The following PID1 variants were observed in gnomAD, a reference collection of about 807,000 sequenced individuals.
The protein encoded by PID1 is phosphotyrosine interaction domain containing 1.
A neutral mutation model predicts 19.1 loss-of-function variants in PID1; 10 were observed. That is an observed-to-expected ratio of 0.52 (90% confidence interval 0.32 to 0.89). PID1 has a LOEUF of 0.89. Ranked by LOEUF, PID1 falls within the 40% of genes least tolerant of loss-of-function variation. The pLI, the probability that PID1 is intolerant of heterozygous loss-of-function variation, is 0.03. For missense variants in PID1, 248 were observed against 285.3 expected (o/e 0.87, Z 0.94); for synonymous variants, 130 against 116.0 (o/e 1.12, Z -0.78).
chr2:229,237,129 G>C (rs1488235974), intron 1 of PID1, among the ~76,000 whole-genome samples: 1 of 152,058 alleles, frequency 6.6e-6, no homozygotes, highest in Non-Finnish European at 1.5e-5. Flanking sequence ...GATAGATCAT[G>C]AGTAATCAAG....
chr2:229,248,348 G>A (rs895638197), intron 1 of PID1, among the ~76,000 whole-genome samples: 7 of 152,150 alleles, frequency 4.6e-5, no homozygotes, highest in East Asian at 1.9e-4. Context: ...AATATGATGC[G>A]AGTGAGCCTT....
rs540325196 is a variant in PID1, at chr2:229,119,442, T to C, written c.177+36376A>G. Among the ~76,000 whole-genome samples, 107 of 152,338 alleles carry C rather than the reference T, an allele frequency of 7.0e-4. 1 individual carries two copies. The highest frequency in any genetic ancestry group is 6.4e-3 in the South Asian group (31 of 4,828). On this transcript the variant is annotated intron_variant, in intron 2 of 2. Transcript: ENST00000392055. Reference sequence around the variant, plus strand: ...CTTAAAAGTTATTTCCTTAAAATAGTAGTCAGTGGGTGAAAATAATTCAAA... The same window carrying C: ...CTTAAAAGTTATTTCCTTAAAATAGCAGTCAGTGGGTGAAAATAATTCAAA...
chr2:229,224,583 G>C (rs1449768728), intron 1 of PID1, among the ~76,000 whole-genome samples: 3 of 151,940 alleles, frequency 2.0e-5, no homozygotes, highest in African/African-American at 7.3e-5. Flanking sequence ...TTATTTTTGA[G>C]TCATCTATTA....
At chr2:229,055,958 C>A (rs74871599) in intron 2 of PID1, among the ~76,000 whole-genome samples, 2 of 152,256 alleles carry the variant, frequency 1.3e-5, no homozygotes, top group African/African-American at 4.8e-5. Context: ...CAAGTGGACA[C>A]GGCTGACTGT....
intron 2 of PID1, among the ~76,000 whole-genome samples, chr2:229,118,890 G>T (rs1196577061): frequency 1.3e-5 from 2 of 152,142 alleles, no homozygotes; most frequent in African/African-American, 4.8e-5. Flanking sequence ...ACTACGAAAA[G>T]AAATCGATCT....
intron 1 of PID1, among the ~76,000 whole-genome samples, chr2:229,255,264 G>A (rs551251092): frequency 1.3e-5 from 2 of 152,246 alleles, no homozygotes; most frequent in East Asian, 1.9e-4. Flanking sequence ...TGTGTGAGTC[G>A]ATTCCAAGTA....
At position 229,025,641 on chromosome 2, in the gene PID1, A is replaced by T; in HGVS notation, c.645T>A (p.Asp215Glu). ...AGCGTCTCAAGTTCATTCAGCCATC[A>T]TCGGATTCCAATTCCTGGGAAACCT... is the stretch of plus-strand genomic sequence containing the variant. ...SEEVSQELES[D>E]DG The change falls in exon 3 of 3, where the codon GAT (aspartate) becomes GAA (glutamate). Residue 215 changes from aspartate (D) to glutamate (E), a missense_variant. Transcript: ENST00000392055. The T allele has an allele frequency of 6.2e-7, 1 of 1,608,744 alleles. No homozygotes were observed. Among genetic ancestry groups the T allele is most frequent in the African/African-American group, 1.3e-5 (1 of 74,954 alleles).
chr2:229,099,354 A>G (rs1365825055), intron 2 of PID1, among the ~76,000 whole-genome samples: 1 of 152,144 alleles, frequency 6.6e-6, no homozygotes, highest in Non-Finnish European at 1.5e-5. Context: ...TTCATCAACC[A>G]CTTTACATAG....
At chr2:229,057,666 G>A (rs1340529537) in intron 2 of PID1, among the ~76,000 whole-genome samples, 1 of 152,098 alleles carries the variant, frequency 6.6e-6, no homozygotes, top group African/African-American at 2.4e-5. Flanking sequence ...CAACATAGGA[G>A]AGCCTAATTA....
At chr2:229,136,047 CA>C (rs1689852395) in intron 2 of PID1, among the ~76,000 whole-genome samples, 2 of 152,024 alleles carry the variant, frequency 1.3e-5, no homozygotes, top group African/African-American at 2.4e-5. Context: ...GTTTAGGTTA[CA>C]AAAAAACTCT....
chr2:229,084,885 A>G (rs1202340447), intron 2 of PID1, among the ~76,000 whole-genome samples: 2 of 100,278 alleles, frequency 2.0e-5, no homozygotes, highest in Admixed American at 2.2e-4. Context: ...AGCAGTTAGG[A>G]TACGGCCTAA....
At chr2:229,185,094 ATATATATCC>A (rs1247437934) in intron 1 of PID1, among the ~76,000 whole-genome samples, 4 of 147,622 alleles carry the variant, frequency 2.7e-5, no homozygotes, top group South Asian at 4.2e-4. Flanking sequence ...TATATATCCT[ATATATATCC>A]TATATATATC....
intron 1 of PID1, among the ~76,000 whole-genome samples, chr2:229,208,538 A>C (rs1364149745): frequency 6.6e-6 from 1 of 152,224 alleles, no homozygotes; most frequent in Non-Finnish European, 1.5e-5. Flanking sequence ...TTTTATGCAG[A>C]GATCTAGGAG....
intron 1 of PID1, among the ~76,000 whole-genome samples, chr2:229,223,898 C>G (rs1692024221): frequency 6.6e-6 from 1 of 152,168 alleles, no homozygotes; most frequent in Non-Finnish European, 1.5e-5. Context: ...GGACATAGTA[C>G]CCAATCGGTA....
chr2:229,137,019 A>C (rs1239207104), intron 2 of PID1, among the ~76,000 whole-genome samples: 1 of 152,248 alleles, frequency 6.6e-6, no homozygotes, highest in Non-Finnish European at 1.5e-5. Flanking sequence ...TACTTTGCTC[A>C]TCATAATGCG....
intron 2 of PID1, among the ~76,000 whole-genome samples, chr2:229,128,079 C>T (rs1695660530): frequency 6.6e-6 from 1 of 152,088 alleles, no homozygotes; most frequent in Non-Finnish European, 1.5e-5. Context: ...GGGCATTTTC[C>T]TTACGAGATT....
chr2:229,211,847 A>G (rs1433101482), intron 1 of PID1, among the ~76,000 whole-genome samples: 1 of 152,242 alleles, frequency 6.6e-6, no homozygotes, highest in Non-Finnish European at 1.5e-5. Context: ...TGTTTGGGAC[A>G]ATATATTCGC....
chr2:229,025,373 A>C lies in PID1; in HGVS notation c.*259T>G. On this transcript the variant is annotated 3_prime_UTR_variant, in exon 3 of 3. Coordinates refer to ENST00000392055, the MANE Select transcript of PID1 (RefSeq NM_001100818.2). ...CCACAGAGAGGCATTGGGAAATGAG[A>C]AAAATAAGAGAGCCTAGAACCTTCC... 2 of 382,104 alleles carry C rather than the reference A, an allele frequency of 5.2e-6. No individual in the cohort carries two copies. The highest frequency in any genetic ancestry group is 8.8e-6 in the Non-Finnish European group (2 of 226,312). The allele number at this position is 382,104 out of a possible 1,614,324, so 23.7% of individuals were successfully genotyped here. A position where few individuals can be genotyped will look rare whatever the true frequency, so the allele number is the denominator to read the frequency against.
chr2:229,039,506 T>C (rs145066592), intron 2 of PID1, among the ~76,000 whole-genome samples: 1 of 152,204 alleles, frequency 6.6e-6, no homozygotes, highest in African/African-American at 2.4e-5. Context: ...AGAAATTATA[T>C]CCCTTGCAAC....
Sources: gnomAD v4.1 joint callset for allele counts (sites outside exome capture counted in the v4.1 genomes callset) on GRCh38, gnomAD v4.1.1 for gene constraint, MANE v1.5 for transcripts, NCBI Gene and HGNC (gene_info 2026-07-23, HGNC 2026-07-21) for gene names.